Variants in MCRIP1 observed in about 807,000 individuals in gnomAD.
The protein encoded by MCRIP1 is MAPK regulated corepressor interacting protein 1.
A neutral mutation model predicts 14.4 loss-of-function variants in MCRIP1; 10 were observed. The ratio of observed to expected loss-of-function variants is 0.70; its 90% CI spans 0.43 to 1.18. The LOEUF (loss-of-function observed/expected upper bound fraction) is 1.18, where lower values mean the gene tolerates loss of function less well. MCRIP1 is among the 50% of genes most tolerant of loss of function. The pLI is 0.00. For missense variants in MCRIP1, 119 were observed against 135.4 expected, an observed-to-expected ratio of 0.88 and a Z score of 0.60; for synonymous variants, 53 against 55.7, an observed-to-expected ratio of 0.95 and a Z score of 0.21.
At chr17:81,831,478 T>C (rs1567828731) in intron 1 of MCRIP1, among the ~76,000 whole-genome samples, 1 of 149,956 alleles carries the variant, frequency 6.7e-6, no homozygotes. Flanking sequence ...CTGGGTAAAC[T>C]GGAATGTAGA....
intron 1 of MCRIP1, among the ~76,000 whole-genome samples, chr17:81,828,053 T>G (rs1360346092): frequency 6.6e-6 from 1 of 152,046 alleles, no homozygotes; most frequent in African/African-American, 2.4e-5. Context: ...GTGCTGAGAT[T>G]ACAGGTGTGA....
At chr17:81,831,493 G>A (rs1003418299) in intron 1 of MCRIP1, among the ~76,000 whole-genome samples, 1 of 151,620 alleles carries the variant, frequency 6.6e-6, no homozygotes, top group Non-Finnish European at 1.5e-5. Context: ...TGTAGAGTCA[G>A]CCCACTCTTA....
intron 1 of MCRIP1, chr17:81,826,472 A>G: frequency 8.7e-7 from 1 of 1,149,368 alleles, no homozygotes; most frequent in South Asian, 1.4e-5. Context: ...GCAGGGAGCC[A>G]AGATCGTGGC....
chr17:81,833,272 T>A lies in MCRIP1; in HGVS notation c.-83A>T, dbSNP rs992208160. 3.3e-5 allele frequency: 5 copies of A among 151,588 alleles called. No individual in the cohort carries two copies. The highest frequency in any genetic ancestry group is 1.2e-4 in the African/African-American group (5 of 41,224). The allele number at this position is 151,588 out of a possible 1,614,324, so 9.4% of individuals were successfully genotyped here. A position where few individuals can be genotyped will look rare whatever the true frequency, so the allele number is the denominator to read the frequency against. ...ACCCGCCGCCACCGCCTCTTCCAGC[T>A]GGGAGGCCCCGCCGGAAGTGACGCC... On this transcript the variant is annotated 5_prime_UTR_variant, in exon 1 of 5. Transcript: ENST00000455127.
chr17:81,825,150 A>C (rs890034231), intron 1 of MCRIP1: 33 of 1,035,700 alleles, frequency 3.2e-5, no homozygotes, highest in Non-Finnish European at 3.6e-5. Context: ...CTGGAGATGG[A>C]ACCAAACTCC....
In MCRIP1 at chr17:81,823,532, G is replaced by A. The variant is rs1453611962; in HGVS notation, c.128-19C>T. ...TGCCAGGCTGCAGAGGCAGAGAGTG[G>A]TGTGCTCAGGGCCCCCTGCCCCAGG... On this transcript the variant is annotated intron_variant, in intron 3 of 4. Transcript: ENST00000455127. This position sits in a 1 kb window ranked among gnomAD's most constrained non-coding sequence, Gnocchi z 6.0. The A allele has an allele frequency of 1.3e-6, 2 of 1,533,558 alleles. No homozygotes were observed. Among genetic ancestry groups the A allele is most frequent in the Admixed American group, 2.0e-5 (1 of 50,944 alleles). 95.0% of individuals were successfully genotyped at this position (1,533,558 alleles called of 1,614,324 possible).
intron 1 of MCRIP1, chr17:81,826,320 C>T (rs989990610): frequency 6.5e-7 from 1 of 1,535,510 alleles, no homozygotes; most frequent in African/African-American, 1.4e-5. Flanking sequence ...CAACCGCCCG[C>T]ACACACCTGT....
At chr17:81,826,020 G>T in intron 1 of MCRIP1, 1 of 1,390,354 alleles carries the variant, frequency 7.2e-7, no homozygotes, top group Non-Finnish European at 9.5e-7. Flanking sequence ...GCTGCTTTAG[G>T]GGTACCTGCC....
intron 1 of MCRIP1, chr17:81,824,955 G>A: frequency 2.7e-6 from 3 of 1,096,608 alleles, no homozygotes; most frequent in Non-Finnish European, 2.2e-6. Flanking sequence ...CTGCAGCAGA[G>A]GGCCTGCAGC....
chr17:81,822,919 A>C lies in MCRIP1; in HGVS notation c.*328T>G. The C allele has an allele frequency of 4.1e-6, 2 of 493,246 alleles. No individual in the cohort carries two copies. The highest frequency in any genetic ancestry group is 1.9e-5 in the African/African-American group (1 of 51,842). 30.6% of individuals were successfully genotyped at this position (493,246 alleles called of 1,614,324 possible). A position where few individuals can be genotyped will look rare whatever the true frequency, so the allele number is the denominator to read the frequency against. On this transcript the variant is annotated 3_prime_UTR_variant, in exon 5 of 5. Transcript: ENST00000455127. ...CTCCCCTCCTGATCCTGCAGTGGCC[A>C]GGGGCAGGAGGGTGAGGGGAGAGGA... is the stretch of plus-strand genomic sequence containing the variant.
At chr17:81,824,123 C>T (rs1048797559) in intron 3 of MCRIP1, among the ~76,000 whole-genome samples, 164 bp downstream of exon 3, 8 of 152,226 alleles carry the variant, frequency 5.3e-5, no homozygotes, top group African/African-American at 1.7e-4. Context: ...CACCCCTACC[C>T]GCCTGGGCCC....
intron 1 of MCRIP1, chr17:81,826,462 G>A (rs2038398802): frequency 2.4e-6 from 3 of 1,275,556 alleles, no homozygotes; most frequent in African/African-American, 1.5e-5. Context: ...GGTCAAGGCT[G>A]CAGGGAGCCA....
intron 1 of MCRIP1, chr17:81,826,685 G>GGT: frequency 1.4e-5 from 5 of 361,420 alleles, no homozygotes; most frequent in South Asian, 3.7e-5. Flanking sequence ...TGGGCGTGGT[G>GGT]GCAGGCACCC....
chr17:81,823,210 C>T lies in MCRIP1; in HGVS notation c.*37G>A. 6.5e-7 allele frequency: 1 copy of T among 1,533,294 alleles called. No homozygotes were observed. The highest frequency in any genetic ancestry group is 8.7e-7 in the Non-Finnish European group (1 of 1,144,840). The allele number at this position is 1,533,294 out of a possible 1,614,324, so 95.0% of individuals were successfully genotyped here. A position where few individuals can be genotyped will look rare whatever the true frequency, so the allele number is the denominator to read the frequency against. ...CAGGAGGGAACCGACACCTCGCACC[C>T]TGATCTTCCGGAGGCCGGGGAGGGG... On this transcript the variant is annotated 3_prime_UTR_variant, in exon 5 of 5. Coordinates refer to ENST00000455127, the MANE Select transcript of MCRIP1 (RefSeq NM_207368.5). The surrounding 1 kb of genome is among the most constrained non-coding windows in gnomAD (Gnocchi z 6.0).
Position 81,823,824 on chromosome 17 carries a change from T to G in MCRIP1, c.128-311A>C. The stretch of plus-strand genomic sequence containing the variant: ...ATCCTCCTCAGCTAGGCCTCTATCT[T>G]TCCCACCTCATCCACGCACCTCCCC... On this transcript the variant is annotated intron_variant, in intron 3 of 4. Coordinates refer to ENST00000455127, the MANE Select transcript of MCRIP1 (RefSeq NM_207368.5). The surrounding 1 kb of genome is among the most constrained non-coding windows in gnomAD (Gnocchi z 6.0). The G allele has an allele frequency of 1.8e-6, 1 of 561,664 alleles. No individual in the cohort carries two copies. The allele number at this position is 561,664 out of a possible 1,614,324, so 34.8% of individuals were successfully genotyped here. A position where few individuals can be genotyped will look rare whatever the true frequency, so the allele number is the denominator to read the frequency against.
intron 1 of MCRIP1, chr17:81,824,769 C>A: frequency 1.4e-6 from 2 of 1,419,526 alleles, no homozygotes; most frequent in South Asian, 1.5e-5. Context: ...GCTGGCCAGA[C>A]GAGCCAGACA....
At chr17:81,824,674 T>C in intron 1 of MCRIP1, 120 bp from the exon 2 acceptor site, 1 of 1,490,342 alleles carries the variant, frequency 6.7e-7, no homozygotes, top group Non-Finnish European at 8.9e-7. Context: ...GCATGGTCCC[T>C]CTGCCTACCA....
chr17:81,829,862 C>G (rs184761971), intron 1 of MCRIP1, among the ~76,000 whole-genome samples: 1 of 152,352 alleles, frequency 6.6e-6, no homozygotes, highest in Admixed American at 6.5e-5. Context: ...TCTACATGAT[C>G]TTCCTGAAAC....
intron 1 of MCRIP1, among the ~76,000 whole-genome samples, chr17:81,831,500 C>G (rs1192773818): frequency 6.6e-6 from 1 of 151,858 alleles, no homozygotes; most frequent in South Asian, 2.1e-4. Flanking sequence ...TCAGCCCACT[C>G]TTAGGAAGGT....
Sources: allele counts gnomAD v4.1 joint callset (sites outside exome capture counted in the v4.1 genomes callset), GRCh38; gene constraint gnomAD v4.1.1; non-coding constraint Gnocchi (gnomAD v3.1); transcripts MANE v1.5; gene names NCBI Gene and HGNC (gene_info 2026-07-23, HGNC 2026-07-21).